KATNBL1: variants seen among roughly 807,000 people sequenced by gnomAD.
The protein encoded by KATNBL1 is katanin regulatory subunit B1 like 1, also known as KATNB1-like protein 1.
KATNBL1 carries 28 observed loss-of-function variants against 44.7 expected under a neutral mutation model. That is an observed-to-expected ratio of 0.63 (90% CI 0.46 to 0.86). The LOEUF (loss-of-function observed/expected upper bound fraction) is 0.86. Among genes scored for constraint, KATNBL1 ranks in the 40% least tolerant of loss-of-function variants. The pLI is 0.00. For synonymous variants in KATNBL1, 78 were observed against 114.9 expected, an observed-to-expected ratio of 0.68 and a Z score of 2.06; for missense variants, 272 against 350.7, an observed-to-expected ratio of 0.78 and a Z score of 1.79.
chr15:34,190,461 A>G (rs1276276230), intron 1 of KATNBL1, among the ~76,000 whole-genome samples: 1 of 152,238 alleles, frequency 6.6e-6, no homozygotes, highest in African/African-American at 2.4e-5. Flanking sequence ...ACAAACAGGA[A>G]ATTGTAAACA....
chr15:34,179,110 T>A (rs1200317553), intron 1 of KATNBL1, among the ~76,000 whole-genome samples: 1 of 152,228 alleles, frequency 6.6e-6, no homozygotes, highest in Non-Finnish European at 1.5e-5. Flanking sequence ...ATGGTTGTCT[T>A]AGCTCGTTTT....
chr15:34,182,942 G>A (rs1306590289), intron 1 of KATNBL1, among the ~76,000 whole-genome samples: 1 of 152,162 alleles, frequency 6.6e-6, no homozygotes, highest in Non-Finnish European at 1.5e-5. Context: ...CAAAACTCAC[G>A]GAAAGGATAC....
At chr15:34,178,035 T>G (rs1477548206) in intron 1 of KATNBL1, 1 of 152,196 alleles carries the variant, frequency 6.6e-6, no homozygotes, top group Non-Finnish European at 1.5e-5. Context: ...ATAAAAGGGT[T>G]TTAGAACGTA....
intron 1 of KATNBL1, among the ~76,000 whole-genome samples, chr15:34,165,386 C>T (rs920344809): frequency 6.6e-6 from 1 of 152,136 alleles, no homozygotes; most frequent in Admixed American, 6.5e-5. Context: ...TACCTCTACC[C>T]TTCCTTGAAA....
intron 1 of KATNBL1, among the ~76,000 whole-genome samples, chr15:34,204,989 G>GTT (rs565440431): frequency 2.6e-4 from 36 of 136,358 alleles, no homozygotes; most frequent in African/African-American, 2.9e-4. Context: ...AAGAGGGACA[G>GTT]TTTTTTTTTT....
intron 1 of KATNBL1, among the ~76,000 whole-genome samples, chr15:34,202,601 T>C (rs1411316713): frequency 6.6e-6 from 1 of 152,186 alleles, no homozygotes; most frequent in Non-Finnish European, 1.5e-5. Flanking sequence ...AACACTTTCT[T>C]CTCCAACAGA....
At chr15:34,197,738 AAAG>A (rs1218200837) in intron 1 of KATNBL1, among the ~76,000 whole-genome samples, 2 of 152,144 alleles carry the variant, frequency 1.3e-5, no homozygotes, top group Non-Finnish European at 2.9e-5. Flanking sequence ...CTTTTAAATA[AAAG>A]AATGAGGTTT....
intron 5 of KATNBL1, among the ~76,000 whole-genome samples, 179 bp from the exon 6 acceptor site, chr15:34,147,609 T>C (rs1888349018): frequency 7.0e-6 from 1 of 143,640 alleles, no homozygotes; most frequent in East Asian, 2.0e-4. Flanking sequence ...TTCCAGTGTG[T>C]GAGCAACTGT....
intron 8 of KATNBL1, chr15:34,145,797 A>G (rs1474080427): frequency 6.4e-6 from 1 of 155,712 alleles, no homozygotes; most frequent in African/African-American, 2.4e-5. Context: ...AATTAATAAA[A>G]TTTCTTACTT....
At position 34,181,842 on chromosome 15, in the gene KATNBL1, A is replaced by ACATATATAGTC. The variant is rs1889569807; in HGVS notation, c.-14-18153_-14-18152insGACTATATATG. Reference sequence around the variant, plus strand: ...TGTCCATATATATCCATATATATACACATATATATAGTCCATATATATATA... The same window carrying ACATATATAGTC: ...TGTCCATATATATCCATATATATACACATATATAGTCCATATATATAGTCCATATATATATA... On this transcript the variant is annotated intron_variant, in intron 1 of 9. Transcript: ENST00000256544. 4.8e-5 allele frequency among the ~76,000 whole-genome samples: 2 copies of ACATATATAGTC among 41,456 alleles called. 1 individual carries two copies. The highest frequency in any genetic ancestry group is 1.8e-4 in the African/African-American group (2 of 10,900). 27.2% of individuals were successfully genotyped at this position (41,456 alleles called of 152,430 possible).
At chr15:34,154,836 G>C in intron 2 of KATNBL1, 152 bp from the exon 3 acceptor site, 1 of 621,330 alleles carries the variant, frequency 1.6e-6, no homozygotes, top group East Asian at 2.8e-5. Flanking sequence ...GAGCATACCG[G>C]GCATGGGAGG....
In KATNBL1 at chr15:34,148,745, A is replaced by G; in HGVS notation, c.444T>C (p.Ser148=). 6.4e-7 allele frequency: 1 copy of G among 1,568,840 alleles called. No individual in the cohort carries two copies. Among genetic ancestry groups the G allele is most frequent in the Non-Finnish European group, 8.8e-7 (1 of 1,138,928 alleles). ...CTTGGGCCATTGTTTCATGGTCCTG[A>G]GAAACCTGAAAGGCAATAATCTGAT... ...SKYSGFFSEV[S]QDHETMAQVL... Residue 148 remains serine, a synonymous_variant, in exon 5 of 10, where the codon TCT becomes TCC. Coordinates refer to ENST00000256544, the MANE Select transcript of KATNBL1 (RefSeq NM_024713.3).
intron 1 of KATNBL1, among the ~76,000 whole-genome samples, chr15:34,200,018 A>C (rs1448901628): frequency 6.6e-6 from 1 of 151,864 alleles, no homozygotes; most frequent in Non-Finnish European, 1.5e-5. Context: ...CACTTTACAG[A>C]GTGCTGGTCT....
intron 1 of KATNBL1, among the ~76,000 whole-genome samples, chr15:34,172,762 C>CACAG (rs1419727914): frequency 3.4e-4 from 3 of 8,714 alleles, no homozygotes; most frequent in Admixed American, 1.5e-3. Flanking sequence ...CAGACACAGA[C>CACAG]ACACACACAC....
chr15:34,146,806 C>A lies in KATNBL1; in HGVS notation c.743G>T (p.Arg248Met). Residue 248 changes from arginine to methionine, a missense_variant, in exon 8 of 10, where the codon AGG (arginine) becomes ATG (methionine). By Grantham distance (91) the Arg-to-Met change is moderately conservative (BLOSUM62 -1). Coordinates refer to ENST00000256544, the MANE Select transcript of KATNBL1 (RefSeq NM_024713.3). ...TTTGGATGATAGTTCTGACCACCAC[C>A]TTTTAATGACTGCTTGAAGCCAGTT... ...GLNWLQAVIK[R>M]WWSELSSKTE... 6.2e-7 allele frequency: 1 copy of A among 1,609,356 alleles called. No individual in the cohort carries two copies. The highest frequency in any genetic ancestry group is 8.5e-7 in the Non-Finnish European group (1 of 1,175,800).
intron 1 of KATNBL1, among the ~76,000 whole-genome samples, chr15:34,175,871 A>G (rs916693304): frequency 4.6e-5 from 7 of 151,876 alleles, no homozygotes; most frequent in Non-Finnish European, 1.0e-4. Context: ...TTAAAATACT[A>G]AATACAGATT....
intron 1 of KATNBL1, among the ~76,000 whole-genome samples, chr15:34,185,144 A>AT (rs1889682974): frequency 6.6e-6 from 1 of 151,788 alleles, no homozygotes; most frequent in Non-Finnish European, 1.5e-5. Flanking sequence ...TAATTTTTGT[A>AT]TTTTTTGTAG....
chr15:34,168,783 A>T (rs1047149051), intron 1 of KATNBL1, among the ~76,000 whole-genome samples: 7 of 152,226 alleles, frequency 4.6e-5, no homozygotes, highest in African/African-American at 1.7e-4. Context: ...GGATTAAGAA[A>T]CTCACTCAAA....
intron 1 of KATNBL1, among the ~76,000 whole-genome samples, chr15:34,184,519 G>T (rs1889661908): frequency 7.0e-6 from 1 of 142,918 alleles, no homozygotes; most frequent in South Asian, 2.2e-4. Context: ...TAAACTCATT[G>T]TAAGTATCCT....
Sources: allele counts gnomAD v4.1 joint callset (sites outside exome capture counted in the v4.1 genomes callset), GRCh38; gene constraint gnomAD v4.1.1; transcripts MANE v1.5; gene names NCBI Gene and HGNC (gene_info 2026-07-23, HGNC 2026-07-21).